The following PTPRM variants were observed in gnomAD, a reference collection of about 807,000 sequenced individuals.
The protein encoded by PTPRM is protein tyrosine phosphatase receptor type M, also known as receptor-type tyrosine-protein phosphatase mu.
PTPRM carries 47 observed loss-of-function variants against 186.7 expected under a neutral mutation model. That is an observed-to-expected ratio of 0.25 (90% CI 0.20 to 0.32). PTPRM has a LOEUF of 0.32. Ranked by LOEUF, PTPRM falls within the 10% of genes least tolerant of loss-of-function variation. The pLI is 1.00. For missense variants in PTPRM, 1,494 were observed against 1,865.0 expected (o/e 0.80, Z 3.66); for synonymous variants, 668 against 674.9 (o/e 0.99, Z 0.16).
chr18:8,390,336 CAT>C (rs1263042704), intron 31 of PTPRM, among the ~76,000 whole-genome samples: 2 of 152,172 alleles, frequency 1.3e-5, no homozygotes, highest in Non-Finnish European at 2.9e-5. Context: ...TAGAAGAAAA[CAT>C]AGGAGAATAT....
intron 1 of PTPRM, among the ~76,000 whole-genome samples, chr18:7,701,442 TAAAA>T (rs1175462127): frequency 1.4e-5 from 2 of 138,600 alleles, no homozygotes; most frequent in African/African-American, 5.4e-5. Flanking sequence ...CTACTAAAAA[TAAAA>T]AAAAGTAGCT....
At position 8,186,722 on chromosome 18, in the gene PTPRM, G is replaced by A. The variant is rs150509215; in HGVS notation, c.2300+42943G>A. 2.8e-3 allele frequency among the ~76,000 whole-genome samples: 426 copies of A among 152,308 alleles called. 9 individuals carry two copies. The South Asian group carries it at 0.043, about 15-fold the overall frequency. ...GTTGCACTCATGTGTCAGGCACAGC[G>A]CAAGGTGACATGGGGGAAACTGAGG... is the stretch of plus-strand genomic sequence containing the variant. On this transcript the variant is annotated intron_variant, in intron 14 of 32. Transcript: ENST00000580170.
In PTPRM at chr18:7,643,694, A is replaced by T. The variant is rs572574076; in HGVS notation, c.73+75803A>T. 8.5e-5 allele frequency among the ~76,000 whole-genome samples: 13 copies of T among 152,224 alleles called. No individual in the cohort carries two copies. In the South Asian group the frequency reaches 2.3e-3, roughly 27 times the overall value. On this transcript the variant is annotated intron_variant, in intron 1 of 32. Coordinates refer to ENST00000580170, the MANE Select transcript of PTPRM (RefSeq NM_001105244.2). ...TTCTCTATTTTTTTGGGGTGATTTC[A>T]ATGGACCATGAAATCCAGGTTACTG...
chr18:8,047,685 C>T (rs529270018), intron 7 of PTPRM, among the ~76,000 whole-genome samples: 2 of 152,092 alleles, frequency 1.3e-5, no homozygotes, highest in East Asian at 1.9e-4. Flanking sequence ...GCTCCCCAGC[C>T]TCCCACCAAG....
chr18:7,885,160 C>G (rs1024886373), intron 2 of PTPRM, among the ~76,000 whole-genome samples: 2 of 152,102 alleles, frequency 1.3e-5, no homozygotes, highest in Non-Finnish European at 2.9e-5. Context: ...TCCACTTCTT[C>G]CCACTCTCCA....
chr18:8,186,325 CAAAAAAAAAAAAAA>C (rs5822996), intron 14 of PTPRM, among the ~76,000 whole-genome samples: 1 of 94,786 alleles, frequency 1.1e-5, no homozygotes, highest in Non-Finnish European at 2.2e-5. Context: ...TACTCCATCT[CAAAAAAAAAAAAAA>C]AAAAAAGAAT....
chr18:8,133,851 T>G (rs888489057), intron 13 of PTPRM, among the ~76,000 whole-genome samples: 1 of 152,168 alleles, frequency 6.6e-6, no homozygotes, highest in Non-Finnish European at 1.5e-5. Context: ...GGAGCTATTA[T>G]TTAGGAAGAT....
At chr18:8,368,953 ACAAGCATGTT>A (rs2095648359) in intron 23 of PTPRM, among the ~76,000 whole-genome samples, 2 of 152,228 alleles carry the variant, frequency 1.3e-5, no homozygotes, top group Admixed American at 6.5e-5. Context: ...CAGGGTCAGA[ACAAGCATGTT>A]TCATCAGGGC....
intron 14 of PTPRM, among the ~76,000 whole-genome samples, chr18:8,211,287 C>T (rs1029666783): frequency 6.0e-5 from 9 of 150,524 alleles, no homozygotes; most frequent in South Asian, 4.2e-4. Flanking sequence ...GGGGAGAGCC[C>T]GTCTCAGTGG....
intron 7 of PTPRM, among the ~76,000 whole-genome samples, chr18:7,999,688 T>C (rs907824547): frequency 3.9e-5 from 6 of 151,964 alleles, no homozygotes; most frequent in Non-Finnish European, 7.4e-5. Context: ...TTGATGCTAA[T>C]TGAGCATTTG....
chr18:8,301,542 C>T (rs1369540507), intron 20 of PTPRM, among the ~76,000 whole-genome samples: 1 of 152,216 alleles, frequency 6.6e-6, no homozygotes, highest in Non-Finnish European at 1.5e-5. Context: ...GGCTCCCTTC[C>T]TCCTCTCTTC....
chr18:7,907,606 G>T (rs375297287), intron 4 of PTPRM, among the ~76,000 whole-genome samples: 6 of 152,324 alleles, frequency 3.9e-5, no homozygotes, highest in African/African-American at 1.4e-4. Flanking sequence ...GATAGTCAGG[G>T]TGAGCGAGCT....
chr18:7,584,382 C>T (rs1375829558), intron 1 of PTPRM, among the ~76,000 whole-genome samples: 2 of 152,112 alleles, frequency 1.3e-5, no homozygotes, highest in Non-Finnish European at 2.9e-5. Context: ...ATGAGAAAGA[C>T]CTCAGGACTG....
chr18:7,776,092 C>T (rs1598644916), intron 2 of PTPRM, among the ~76,000 whole-genome samples: 1 of 152,140 alleles, frequency 6.6e-6, no homozygotes, highest in Non-Finnish European at 1.5e-5. Context: ...ACATATATGG[C>T]CTTTGAAGGC....
At chr18:8,233,562 C>T (rs1246060978) in intron 14 of PTPRM, among the ~76,000 whole-genome samples, 1 of 152,120 alleles carries the variant, frequency 6.6e-6, no homozygotes, top group Non-Finnish European at 1.5e-5. Flanking sequence ...GATACCAGTT[C>T]ATTACCAGGT....
chr18:7,607,739 C>T (rs2037568976), intron 1 of PTPRM, among the ~76,000 whole-genome samples: 1 of 152,214 alleles, frequency 6.6e-6, no homozygotes, highest in South Asian at 2.1e-4. Context: ...ATGTCACTTT[C>T]CTAAAATAAG....
intron 1 of PTPRM, among the ~76,000 whole-genome samples, chr18:7,769,050 A>G (rs961720887): frequency 1.3e-5 from 2 of 152,040 alleles, no homozygotes; most frequent in African/African-American, 4.8e-5. Context: ...CTGTCATAAG[A>G]TGTTATTGAA....
chr18:7,894,531 A>T (rs2049248686), intron 3 of PTPRM, among the ~76,000 whole-genome samples: 2 of 152,026 alleles, frequency 1.3e-5, no homozygotes, highest in Non-Finnish European at 2.9e-5. Flanking sequence ...GCTTGCAGTG[A>T]GCCGAGATTG....
chr18:8,082,722 C>T (rs1398015529), intron 9 of PTPRM, among the ~76,000 whole-genome samples: 1 of 151,716 alleles, frequency 6.6e-6, no homozygotes, highest in Non-Finnish European at 1.5e-5. Flanking sequence ...CCTAGTGACC[C>T]CCTCCATTCC....
Sources: gnomAD v4.1 joint callset for allele counts (sites outside exome capture counted in the v4.1 genomes callset) on GRCh38, gnomAD v4.1.1 for gene constraint, MANE v1.5 for transcripts, NCBI Gene and HGNC (gene_info 2026-07-23, HGNC 2026-07-21) for gene names.